Variants in FAM53A observed in about 807,000 individuals in gnomAD.
The protein encoded by FAM53A is family with sequence similarity 53 member A.
A neutral mutation model predicts 26.6 loss-of-function variants in FAM53A; 28 were observed. The observed-to-expected ratio is 1.05, with a 90% CI of 0.78 to 1.45. The LOEUF is 1.45. Among genes scored for constraint, FAM53A ranks in the 40% most tolerant of loss-of-function variants. The probability of loss-of-function intolerance (pLI) is 0.00; values close to 1 mark genes in which losing one functional copy is unlikely to be tolerated. For synonymous variants in FAM53A, 290 were observed against 253.1 expected (o/e 1.15, Z -1.38); for missense variants, 650 against 575.8 (o/e 1.13, Z -1.32).
rs1008918401 is a variant in FAM53A at position 1,630,323 on chromosome 4, T to C, written c.432-12212A>G. Among the ~76,000 whole-genome samples, 1 of 152,190 alleles carries C rather than the reference T, an allele frequency of 6.6e-6. No individual in the cohort carries two copies. The highest frequency in any genetic ancestry group is 1.5e-5 in the Non-Finnish European group (1 of 68,032). The stretch of plus-strand genomic sequence containing the variant: ...CACCTTGGTGTTGTGGCCCCCATGG[T>C]GTCTGCTGAGACCACTCACCTCTGC... On this transcript the variant is annotated intron_variant, in intron 1 of 1. Transcript: ENST00000489029. The surrounding 1 kb of genome is among the most constrained non-coding windows in gnomAD (Gnocchi z 4.3).
At chr4:1,575,201 A>C in the FAM53A span, among the ~76,000 whole-genome samples, 69 of 152,342 alleles carry the variant, frequency 4.5e-4, 1 homozygote, top group East Asian at 9.7e-3. Context: ...CTGTGCTTGC[A>C]GTCCCTGAGG....
At chr4:1,613,198 C>T (rs1448382954), downstream of FAM53A, among the ~76,000 whole-genome samples, 1 of 152,234 alleles carries the variant, frequency 6.6e-6, no homozygotes, top group Non-Finnish European at 1.5e-5. Context: ...TGTAACAAAA[C>T]ACACAGACTG....
At chr4:1,592,223 C>G in the FAM53A span, among the ~76,000 whole-genome samples, 1 of 152,104 alleles carries the variant, frequency 6.6e-6, no homozygotes, top group Non-Finnish European at 1.5e-5. Flanking sequence ...AAAAATGCCA[C>G]GTAATAATCT....
At chr4:1,644,672 A>G in intron 4 of FAM53A, 1 of 260,474 alleles carries the variant, frequency 3.8e-6, no homozygotes, top group Non-Finnish European at 7.4e-6. Flanking sequence ...AGTTGTCCAA[A>G]ACACAAAGGT....
chr4:1,685,168 C>T (rs530107474), upstream of FAM53A, among the ~76,000 whole-genome samples: 6 of 152,238 alleles, frequency 3.9e-5, no homozygotes, highest in East Asian at 1.9e-4. Context: ...TGTGGATATC[C>T]GCCGACTCTG....
downstream of FAM53A, among the ~76,000 whole-genome samples, chr4:1,637,429 A>G (rs1033759860): frequency 1.3e-5 from 2 of 152,076 alleles, no homozygotes; most frequent in Admixed American, 1.3e-4. Context: ...CGAGGGACAG[A>G]GGGAGCCTGG....
At chr4:1,587,534 T>C in the FAM53A span, among the ~76,000 whole-genome samples, 1 of 152,036 alleles carries the variant, frequency 6.6e-6, no homozygotes, top group Non-Finnish European at 1.5e-5. Context: ...TAGCTAGGCG[T>C]GGTGGTGCAT....
At chr4:1,615,649 C>T (rs774967272), downstream of FAM53A, among the ~76,000 whole-genome samples, 50 of 151,472 alleles carry the variant, frequency 3.3e-4, 1 homozygote, top group Non-Finnish European at 1.0e-4. Flanking sequence ...AGACAGGATG[C>T]AGCCACGCCC....
At chr4:1,577,884 C>T in the FAM53A span, among the ~76,000 whole-genome samples, 1 of 150,894 alleles carries the variant, frequency 6.6e-6, no homozygotes, top group East Asian at 2.0e-4. Context: ...CTGCCGGGAC[C>T]AGGCAGCCGC....
upstream of FAM53A, among the ~76,000 whole-genome samples, chr4:1,684,545 G>C (rs968745111): frequency 1.3e-5 from 2 of 151,500 alleles, no homozygotes; most frequent in Non-Finnish European, 3.0e-5. Flanking sequence ...TCGACGCCCC[G>C]CCCCCTGCGC....
At chr4:1,683,877 C>G (rs1715628170) in intron 1 of FAM53A, 1 of 152,266 alleles carries the variant, frequency 6.6e-6, no homozygotes, top group Non-Finnish European at 1.5e-5. Flanking sequence ...GAATCCGCCG[C>G]AAGTCCCCTC....
intron 1 of FAM53A, among the ~76,000 whole-genome samples, chr4:1,675,126 C>T (rs1714952035): frequency 6.6e-6 from 1 of 152,144 alleles, no homozygotes; most frequent in East Asian, 1.9e-4. Flanking sequence ...CAAGAGGGTC[C>T]CGGAAAAGGA....
At chr4:1,644,514 G>A (rs930964083) in intron 4 of FAM53A, 12 of 828,530 alleles carry the variant, frequency 1.4e-5, no homozygotes, top group Admixed American at 3.0e-5. Flanking sequence ...TGGAAACCGA[G>A]GCCCACGGGG....
intron 2 of FAM53A, among the ~76,000 whole-genome samples, chr4:1,662,669 G>A (rs575649812): frequency 2.9e-4 from 42 of 145,904 alleles, no homozygotes; most frequent in Non-Finnish European, 5.4e-4. Flanking sequence ...AAAAAAAAGG[G>A]TTCTTACAAC....
the FAM53A span, among the ~76,000 whole-genome samples, chr4:1,606,144 T>C: frequency 6.6e-6 from 1 of 151,536 alleles, no homozygotes; most frequent in Non-Finnish European, 1.5e-5. Context: ...GTTCACGCCA[T>C]TCTCCTGCCT....
At position 1,641,078 on chromosome 4, in the gene FAM53A, C is replaced by A. The variant is rs375666085; in HGVS notation, c.*215G>T. The A allele has an allele frequency of 5.2e-6, 3 of 572,838 alleles. No homozygotes were observed. Among genetic ancestry groups the A allele is most frequent in the Admixed American group, 3.4e-5 (1 of 29,726 alleles). The allele number at this position is 572,838 out of a possible 1,614,324, so 35.5% of individuals were successfully genotyped here. On this transcript the variant is annotated 3_prime_UTR_variant, in exon 5 of 5. Transcript: ENST00000308132. ...CTCTGTGCCCCAGGGCAGGTGCCGG[C>A]GGCAGCCGTGGCCCCGACCAGCTCA...
chr4:1,657,784 C>T (rs892047779), intron 2 of FAM53A, among the ~76,000 whole-genome samples: 4 of 147,034 alleles, frequency 2.7e-5, no homozygotes, highest in Non-Finnish European at 6.0e-5. Context: ...ACTACAGGCG[C>T]CCACCACCAC....
At chr4:1,612,458 C>T in the FAM53A span, among the ~76,000 whole-genome samples, 2 of 152,322 alleles carry the variant, frequency 1.3e-5, no homozygotes, top group African/African-American at 4.8e-5. Context: ...GCTCCGCCCC[C>T]TCAGACACAC....
At chr4:1,636,884 T>TAG (rs558635906), downstream of FAM53A, among the ~76,000 whole-genome samples, 23 of 150,836 alleles carry the variant, frequency 1.5e-4, no homozygotes, top group South Asian at 2.5e-3. Context: ...CTGCTCTTGC[T>TAG]GGGGGGGGGT....
Sources: gnomAD v4.1 joint callset for allele counts (sites outside exome capture counted in the v4.1 genomes callset) on GRCh38, gnomAD v4.1.1 for gene constraint, Gnocchi (gnomAD v3.1) non-coding constraint, MANE v1.5 for transcripts, NCBI Gene and HGNC (gene_info 2026-07-23, HGNC 2026-07-21) for gene names.